TRMO: variants seen among roughly 807,000 people sequenced by gnomAD.
The protein encoded by TRMO is tRNA (adenine(37)-N6)-methyltransferase.
TRMO carries 30 observed loss-of-function variants against 37.2 expected under a neutral mutation model. The ratio of observed to expected loss-of-function variants is 0.81; its 90% CI spans 0.60 to 1.09. TRMO has a LOEUF of 1.09. Among genes scored for constraint, TRMO ranks in the 50% least tolerant of loss-of-function variants. The probability of loss-of-function intolerance (pLI) is 0.00; values close to 1 mark genes in which losing one functional copy is unlikely to be tolerated. For synonymous variants in TRMO, 239 were observed against 199.4 expected (o/e 1.20, Z -1.67); for missense variants, 552 against 549.5 (o/e 1.00, Z -0.05).
intron 1 of TRMO, among the ~76,000 whole-genome samples, chr9:97,921,759 G>T (rs1309255547): frequency 6.6e-6 from 1 of 152,130 alleles, no homozygotes; most frequent in Non-Finnish European, 1.5e-5. Context: ...GCCCTGTTAA[G>T]ATTTTTTTTT....
At position 97,904,932 on chromosome 9, in the gene TRMO, T is replaced by C. The variant is rs181215699; in HGVS notation, c.1127A>G (p.Glu376Gly). 1.1e-4 allele frequency: 182 copies of C among 1,614,172 alleles called. No individual in the cohort carries two copies. The East Asian group carries it at 4.0e-3, about 36-fold the overall frequency. The stretch of plus-strand genomic sequence containing the variant: ...CCGAGGATCCGCTGACAGCACAGCC[T>C]CAATGGCACGCTTTGCTTCCTCTGC... ...QSAEEAKRAI[E>G]AVLSADPRSV... Residue 376 changes from glutamate (E) to glycine (G), a missense_variant, in exon 5 of 5, where the codon GAG becomes GGG. Transcript: ENST00000375119.
chr9:97,920,834 T>C (rs950581860), intron 1 of TRMO, among the ~76,000 whole-genome samples: 7 of 152,188 alleles, frequency 4.6e-5, no homozygotes, highest in African/African-American at 1.7e-4. Flanking sequence ...ACTCCTAGAG[T>C]TTCTTGTGTT....
intron 4 of TRMO, among the ~76,000 whole-genome samples, chr9:97,909,379 G>A (rs1826003441): frequency 1.3e-5 from 2 of 152,152 alleles, no homozygotes; most frequent in African/African-American, 4.8e-5. Context: ...AGAACCATGT[G>A]TTAAAGTAAG....
Position 97,922,487 on chromosome 9 carries a change from C to G in TRMO, c.7G>C (p.Gly3Arg), listed in dbSNP as rs200865938. 21 of 1,575,988 alleles carry G rather than the reference C, an allele frequency of 1.3e-5. No homozygotes were observed. The highest frequency in any genetic ancestry group is 1.7e-5 in the Non-Finnish European group (20 of 1,162,746). The stretch of plus-strand genomic sequence containing the variant: ...GGCCGAGGCCCCGACTCCTCCAAGC[C>G]GCGCATGGCTACTGGTTGCTGAGGT... MR[G>R]LEESGPRPTA... The change falls in exon 1 of 5, where the codon GGC (glycine) becomes CGC (arginine). Residue 3 changes from glycine (G) to arginine (R), a missense_variant. Coordinates refer to ENST00000375119, the MANE Select transcript of TRMO (RefSeq NM_016481.5).
chr9:97,915,816 A>G (rs937712410), intron 2 of TRMO: 1 of 167,950 alleles, frequency 6.0e-6, no homozygotes, highest in African/African-American at 2.4e-5. Flanking sequence ...AAAAATAAAA[A>G]AGCCATGCAA....
chr9:97,922,362 C>T, intron 1 of TRMO, 56 bp downstream of exon 1: 2 of 1,245,112 alleles, frequency 1.6e-6, no homozygotes, highest in East Asian at 2.5e-5. Context: ...GCAACGAAGT[C>T]CGCTGCCTGG....
chr9:97,909,641 G>C (rs1298101318), intron 4 of TRMO, among the ~76,000 whole-genome samples: 1 of 152,176 alleles, frequency 6.6e-6, no homozygotes, highest in Non-Finnish European at 1.5e-5. Flanking sequence ...GCACAATTTA[G>C]CTTCTGAATG....
At chr9:97,914,302 A>C (rs987953855) in intron 2 of TRMO, among the ~76,000 whole-genome samples, 1 of 152,224 alleles carries the variant, frequency 6.6e-6, no homozygotes, top group Non-Finnish European at 1.5e-5. Context: ...AGCTTCACTA[A>C]TAATTAGAAA....
rs753735062 is a variant in TRMO, at chr9:97,904,702, G to A, written c.*31C>T. 2 of 1,604,112 alleles carry A rather than the reference G, an allele frequency of 1.2e-6. No homozygotes were observed. The highest frequency in any genetic ancestry group is 3.4e-5 in the Admixed American group (2 of 58,744). On this transcript the variant is annotated 3_prime_UTR_variant, in exon 5 of 5. Coordinates refer to ENST00000375119, the MANE Select transcript of TRMO (RefSeq NM_016481.5). Reference sequence around the variant, plus strand: ...CCAAAAGCCACATCCAAAGATCAATGATGCTACCTTAAAGACATGAGGGAG... The same window carrying A: ...CCAAAAGCCACATCCAAAGATCAATAATGCTACCTTAAAGACATGAGGGAG...
downstream of TRMO, chr9:97,900,680 T>C: frequency 7.2e-6 from 5 of 695,504 alleles, no homozygotes; most frequent in Non-Finnish European, 8.8e-6. Context: ...CCACCCAATG[T>C]ACGAAAAGCA....
Position 97,910,616 on chromosome 9 carries a change from C to T in TRMO, c.410G>A (p.Gly137Asp). Residue 137 changes from glycine to aspartate, a missense_variant and splice_region_variant, in exon 4 of 5, where the codon GGT (glycine) becomes GAT (aspartate). Gly to Asp is a moderately conservative substitution (Grantham distance 94, BLOSUM62 -1). Coordinates refer to ENST00000375119, the MANE Select transcript of TRMO (RefSeq NM_016481.5). ...LTLAKLEKVE[G>D]GAIYLSGIDM... ...AATTCCAGAAAGGTATATAGCTCCA[C>T]CTATGACATAAAAACGTGAAAAATG... The T allele has an allele frequency of 1.9e-6, 3 of 1,612,238 alleles. No homozygotes were observed. Among genetic ancestry groups the T allele is most frequent in the Non-Finnish European group, 1.7e-6 (2 of 1,179,062 alleles).
chr9:97,900,436 A>G (rs1831143989), downstream of TRMO, among the ~76,000 whole-genome samples: 1 of 152,220 alleles, frequency 6.6e-6, no homozygotes, highest in Non-Finnish European at 1.5e-5. Flanking sequence ...TCCTGTGGGA[A>G]TGGGCGTTTC....
downstream of TRMO, among the ~76,000 whole-genome samples, chr9:97,900,389 T>C (rs10739526): frequency 0.73 from 110,428 of 152,216 alleles, 41,440 homozygotes; most frequent in East Asian, 0.92. Context: ...GTGCTCTTCG[T>C]ATTTCCCATC....
downstream of TRMO, chr9:97,900,734 G>A (rs540311696): frequency 5.1e-6 from 5 of 976,320 alleles, no homozygotes; most frequent in African/African-American, 7.0e-5. Context: ...AGTAAGTGAT[G>A]CAGGCTTTCA....
intron 4 of TRMO, among the ~76,000 whole-genome samples, chr9:97,909,577 C>G (rs1432888162): frequency 6.6e-6 from 1 of 152,180 alleles, no homozygotes; most frequent in African/African-American, 2.4e-5. Flanking sequence ...CAACATTTCT[C>G]AAGTCAGACA....
chr9:97,921,463 G>A (rs1826628541), intron 1 of TRMO, among the ~76,000 whole-genome samples: 2 of 146,008 alleles, frequency 1.4e-5, no homozygotes, highest in South Asian at 2.1e-4. Context: ...TCGCTCTGTC[G>A]CCCAGGCCGG....
At position 97,904,912 on chromosome 9, in the gene TRMO, G is replaced by A. The variant is rs1428579392; in HGVS notation, c.1147C>T (p.Pro383Ser). 2.5e-6 allele frequency: 4 copies of A among 1,614,212 alleles called. No homozygotes were observed. Among genetic ancestry groups the A allele is most frequent in the Non-Finnish European group, 3.4e-6 (4 of 1,180,042 alleles). The change falls in exon 5 of 5, where the codon CCT becomes TCT. Residue 383 changes from proline (P) to serine (S), a missense_variant. By Grantham distance (74) the Pro-to-Ser change is moderately conservative (BLOSUM62 -1). Coordinates refer to ENST00000375119, the MANE Select transcript of TRMO (RefSeq NM_016481.5). Reference protein sequence around the residue: ...RAIEAVLSADPRSVYRRKLCQ... With the variant: ...RAIEAVLSADSRSVYRRKLCQ... ...AGCTTCCGGCGGTACACAGACCGAG[G>A]ATCCGCTGACAGCACAGCCTCAATG...
rs867758231 is a variant in TRMO, at chr9:97,922,456, G to T, written c.38C>A (p.Ala13Glu). Residue 13 changes from alanine (A) to glutamate (E), a missense_variant, in exon 1 of 5, where the codon GCG (alanine) becomes GAG (glutamate). Ala to Glu is a moderately radical substitution (Grantham distance 107). Transcript: ENST00000375119. ...CGGCTTAACGCAGCCGCACGGGGTC[G>T]CTGTAGGCCGAGGCCCCGACTCCTC... ...GLEESGPRPT[A>E]TPCGCVKPAL... The T allele has an allele frequency of 6.3e-7, 1 of 1,587,856 alleles. No individual in the cohort carries two copies. The highest frequency in any genetic ancestry group is 8.6e-7 in the Non-Finnish European group (1 of 1,168,180).
downstream of TRMO, among the ~76,000 whole-genome samples, chr9:97,903,803 G>GT (rs1335820373): frequency 6.6e-6 from 1 of 152,074 alleles, no homozygotes; most frequent in African/African-American, 2.4e-5. Flanking sequence ...TTAAAAAACA[G>GT]TAATTATAGG....
Sources: gnomAD v4.1 joint callset for allele counts (sites outside exome capture counted in the v4.1 genomes callset) on GRCh38, gnomAD v4.1.1 for gene constraint, MANE v1.5 for transcripts, NCBI Gene and HGNC (gene_info 2026-07-23, HGNC 2026-07-21) for gene names.